GEM: variants seen among roughly 807,000 people sequenced by gnomAD.
GEM encodes GTP binding protein overexpressed in skeletal muscle, also known as GTP-binding protein GEM.
In GEM, 31 loss-of-function variants were observed where a neutral mutation model predicts 33.0. The observed-to-expected ratio is 0.94, with a 90% CI of 0.71 to 1.27. GEM has a LOEUF of 1.27. Among genes scored for constraint, GEM ranks in the 50% most tolerant of loss-of-function variants. The pLI is 0.00. For missense variants in GEM, 354 were observed against 390.5 expected, an observed-to-expected ratio of 0.91 and a Z score of 0.79; for synonymous variants, 141 against 143.7, an observed-to-expected ratio of 0.98 and a Z score of 0.13.
chr8:94,260,372 G>T lies in GEM; in HGVS notation c.132C>A (p.Asn44Lys). 2 of 1,614,134 alleles carry T rather than the reference G, an allele frequency of 1.2e-6. No individual in the cohort carries two copies. Among genetic ancestry groups the T allele is most frequent in the Non-Finnish European group, 1.7e-6 (2 of 1,180,014 alleles). ...GGTCCTCAGGGGTAGCAGAATGGCG[G>T]TTGCGGTGGCTGTACTGGTGGGGCT... is the stretch of plus-strand genomic sequence containing the variant. ...QKEPHQYSHR[N>K]RHSATPEDHC... is the part of the protein sequence containing the mutation. The change falls in exon 2 of 5, where the codon AAC (asparagine) becomes AAA (lysine). Residue 44 changes from asparagine (N) to lysine (K), a missense_variant. Transcript: ENST00000297596.
chr8:94,257,601 G>A (rs1329200645), intron 2 of GEM, among the ~76,000 whole-genome samples: 5 of 152,124 alleles, frequency 3.3e-5, no homozygotes, highest in Admixed American at 2.6e-4. Flanking sequence ...TCTACTTGGT[G>A]TATACATTAT....
chr8:94,255,008 A>C (rs1808857694), intron 2 of GEM, among the ~76,000 whole-genome samples: 1 of 152,188 alleles, frequency 6.6e-6, no homozygotes, highest in Admixed American at 6.5e-5. Context: ...AACGCAAGGG[A>C]GACTGTCAGA....
chr8:94,251,034 C>G (rs1230647905), intron 4 of GEM, among the ~76,000 whole-genome samples: 3 of 152,162 alleles, frequency 2.0e-5, no homozygotes, highest in Non-Finnish European at 4.4e-5. Flanking sequence ...GTTCACACAG[C>G]CTGTAAGTGG....
At chr8:94,251,539 G>A (rs1050324067) in intron 4 of GEM, among the ~76,000 whole-genome samples, 3 of 152,218 alleles carry the variant, frequency 2.0e-5, no homozygotes, top group Non-Finnish European at 4.4e-5. Flanking sequence ...CCTGAGCTAA[G>A]TATGAAGAAG....
chr8:94,252,440 C>T (rs544230797), intron 3 of GEM, among the ~76,000 whole-genome samples: 4 of 152,228 alleles, frequency 2.6e-5, no homozygotes, highest in African/African-American at 9.6e-5. Flanking sequence ...AGTATTTATG[C>T]CAAAAAGTTT....
chr8:94,252,062 G>A lies in GEM; in HGVS notation c.570C>T (p.Gly190=). The change falls in exon 4 of 5, where the codon GGC becomes GGT. Residue 190 remains glycine (G), a synonymous_variant. Coordinates refer to ENST00000297596, the MANE Select transcript of GEM (RefSeq NM_005261.4). ...QTEDIPIILV[G]NKSDLVRCRE... The stretch of plus-strand genomic sequence containing the variant: ...GGCACCGCACTAAGTCACTTTTGTT[G>A]CCAACCAAAATTATGGGAATGTCCT... 1 of 1,614,072 alleles carries A rather than the reference G, an allele frequency of 6.2e-7. No individual in the cohort carries two copies. The highest frequency in any genetic ancestry group is 8.5e-7 in the Non-Finnish European group (1 of 1,179,966).
At chr8:94,256,282 C>T (rs1808892290) in intron 2 of GEM, among the ~76,000 whole-genome samples, 1 of 151,712 alleles carries the variant, frequency 6.6e-6, no homozygotes, top group African/African-American at 2.4e-5. Context: ...ATTTTCTATC[C>T]TCTGACCCCC....
intron 4 of GEM, among the ~76,000 whole-genome samples, chr8:94,251,088 CT>C (rs1419779806): frequency 6.6e-6 from 1 of 152,184 alleles, no homozygotes; most frequent in Non-Finnish European, 1.5e-5. Flanking sequence ...ATACTCAACT[CT>C]TTCTCCTGAC....
chr8:94,260,269 C>A lies in GEM; in HGVS notation c.235G>T (p.Val79Leu). Residue 79 changes from valine (V) to leucine (L), a missense_variant, in exon 2 of 5, where the codon GTG (valine) becomes TTG (leucine). Transcript: ENST00000297596. ...CCCACCCCCTGCTCCCCTATGAGCA[C>A]CACTCGGTAGTAGGTGTTCCCTGAC... ...SESGNTYYRV[V>L]LIGEQGVGKS... 1.2e-6 allele frequency: 2 copies of A among 1,613,976 alleles called. No homozygotes were observed. Among genetic ancestry groups the A allele is most frequent in the Non-Finnish European group, 1.7e-6 (2 of 1,179,808 alleles).
At chr8:94,257,587 A>AATTTCTACTTGGTGTATACATTATGCTC (rs1808918131) in intron 2 of GEM, among the ~76,000 whole-genome samples, 1 of 152,040 alleles carries the variant, frequency 6.6e-6, no homozygotes. Flanking sequence ...ATCCTATCTC[A>AATTTCTACTTGGTGTATACATTATGCTC]ATTTCTACTT....
intron 2 of GEM, among the ~76,000 whole-genome samples, chr8:94,254,511 C>T (rs1472952878): frequency 1.3e-5 from 2 of 152,086 alleles, no homozygotes; most frequent in Non-Finnish European, 2.9e-5. Context: ...TGACAATTAC[C>T]TGTATTAAGC....
At chr8:94,252,323 G>T in intron 3 of GEM, 100 bp from the exon 4 acceptor site, 2 of 808,422 alleles carry the variant, frequency 2.5e-6, no homozygotes, top group Non-Finnish European at 4.1e-6. Flanking sequence ...TACACTTGCT[G>T]ATAGGAAAAA....
At chr8:94,258,195 T>C (rs1198782780) in intron 2 of GEM, among the ~76,000 whole-genome samples, 1 of 152,164 alleles carries the variant, frequency 6.6e-6, no homozygotes, top group East Asian at 1.9e-4. Flanking sequence ...ATGGGAATAT[T>C]ACCCTCTGGA....
intron 2 of GEM, among the ~76,000 whole-genome samples, chr8:94,255,150 C>T (rs1272794717): frequency 6.6e-6 from 1 of 152,130 alleles, no homozygotes; most frequent in African/African-American, 2.4e-5. Flanking sequence ...GCCCACCACT[C>T]AGGTACAGGG....
At chr8:94,259,878 T>A (rs1808976506) in intron 2 of GEM, 1 of 306,760 alleles carries the variant, frequency 3.3e-6, no homozygotes, top group Non-Finnish European at 6.1e-6. Context: ...AGTGGGGCGC[T>A]GACCCTCTGG....
In GEM at chr8:94,249,454, A is replaced by G. The variant is rs2623167; in HGVS notation, c.*856T>C. ...GAGCTGTGACATACAAGGGTCAACCAAAGTACTGGAAGTTTTTATGCTATA... is the reference window on the plus strand; with the variant it reads ...GAGCTGTGACATACAAGGGTCAACCGAAGTACTGGAAGTTTTTATGCTATA... On this transcript the variant is annotated 3_prime_UTR_variant, in exon 5 of 5. Transcript: ENST00000297596. 1 of 152,168 alleles carries G rather than the reference A, an allele frequency of 6.6e-6. No homozygotes were observed. 9.4% of individuals were successfully genotyped at this position (152,168 alleles called of 1,614,324 possible).
chr8:94,260,683 C>T, intron 1 of GEM, 171 bp from the exon 2 acceptor site: 2 of 578,002 alleles, frequency 3.5e-6, no homozygotes, highest in South Asian at 4.4e-5. Context: ...GACAGGCTTT[C>T]AACTGGACAC....
At chr8:94,258,601 T>C (rs1031291933) in intron 2 of GEM, among the ~76,000 whole-genome samples, 1 of 152,226 alleles carries the variant, frequency 6.6e-6, no homozygotes, top group Admixed American at 6.5e-5. Flanking sequence ...GGTCATACCA[T>C]GTACTAGTTT....
chr8:94,249,330 G>A lies in GEM; in HGVS notation c.*980C>T, dbSNP rs1399654780. On this transcript the variant is annotated 3_prime_UTR_variant, in exon 5 of 5. Transcript: ENST00000297596. ...CATATTTTGAAAAAGATAGAAAATG[G>A]TAATAAAATGGATATTTTTCTTATT... is the stretch of plus-strand genomic sequence containing the variant. 1 of 152,084 alleles carries A rather than the reference G, an allele frequency of 6.6e-6. No homozygotes were observed. Among genetic ancestry groups the A allele is most frequent in the African/African-American group, 2.4e-5 (1 of 41,394 alleles). The allele number at this position is 152,084 out of a possible 1,614,324, so 9.4% of individuals were successfully genotyped here.
Sources: allele counts gnomAD v4.1 joint callset (sites outside exome capture counted in the v4.1 genomes callset), GRCh38; gene constraint gnomAD v4.1.1; transcripts MANE v1.5; gene names NCBI Gene and HGNC (gene_info 2026-07-23, HGNC 2026-07-21).